The following NAPEPLD variants were observed in gnomAD, a reference collection of about 807,000 sequenced individuals.
NAPEPLD encodes the protein N-acyl-phosphatidylethanolamine-hydrolyzing phospholipase D.
NAPEPLD carries 23 observed loss-of-function variants against 38.1 expected under a neutral mutation model. That is an observed-to-expected ratio of 0.60 (90% CI 0.43 to 0.86). NAPEPLD has a LOEUF of 0.86. NAPEPLD is among the 40% of genes least tolerant of loss of function. NAPEPLD has a pLI of 0.00. For missense variants in NAPEPLD, 411 were observed against 476.8 expected, an observed-to-expected ratio of 0.86 and a Z score of 1.28; for synonymous variants, 147 against 162.0, an observed-to-expected ratio of 0.91 and a Z score of 0.71.
intron 1 of NAPEPLD, among the ~76,000 whole-genome samples, chr7:103,142,387 T>C (rs1323058301): frequency 1.3e-5 from 2 of 151,758 alleles, no homozygotes; most frequent in African/African-American, 4.8e-5. Context: ...AGGTGGATCA[T>C]TTGAGGTCAG....
chr7:103,124,672 C>T (rs577989808), intron 2 of NAPEPLD, among the ~76,000 whole-genome samples: 4 of 152,042 alleles, frequency 2.6e-5, no homozygotes, highest in African/African-American at 7.2e-5. Context: ...TTACTTTTCT[C>T]GGGAAAAGGG....
rs1365598411 is a variant in NAPEPLD at position 103,101,335 on chromosome 7, C to T, written c.*2094G>A. 2 of 152,130 alleles carry T rather than the reference C, an allele frequency of 1.3e-5. No individual in the cohort carries two copies. The highest frequency in any genetic ancestry group is 2.9e-5 in the Non-Finnish European group (2 of 68,016). 9.4% of individuals were successfully genotyped at this position (152,130 alleles called of 1,614,324 possible). On this transcript the variant is annotated 3_prime_UTR_variant, in exon 5 of 5. Transcript: ENST00000465647. ...TGTTCGCATACATCATATACACACA[C>T]ATTGCATACACATTTCCCCTTGACT...
chr7:103,148,800 G>A lies in NAPEPLD; in HGVS notation c.-17+11C>T. ...ATTCATTTACATACAACCAAAAGAA[G>A]ATAAACCCACATGTATTCCTATCAG... On this transcript the variant is annotated intron_variant, in intron 1 of 4. Transcript: ENST00000465647. 1.0e-6 allele frequency: 1 copy of A among 985,216 alleles called. No individual in the cohort carries two copies. The highest frequency in any genetic ancestry group is 1.2e-6 in the Non-Finnish European group (1 of 829,850). The allele number at this position is 985,216 out of a possible 1,614,324, so 61.0% of individuals were successfully genotyped here. A position where few individuals can be genotyped will look rare whatever the true frequency, so the allele number is the denominator to read the frequency against.
At chr7:103,136,721 T>C (rs1331326334) in intron 1 of NAPEPLD, among the ~76,000 whole-genome samples, 2 of 152,152 alleles carry the variant, frequency 1.3e-5, no homozygotes, top group Admixed American at 1.3e-4. Flanking sequence ...AAGCCTAAGT[T>C]ACTGAATTTT....
rs1802616574 is a variant in NAPEPLD, at chr7:103,103,003, T to C, written c.*426A>G. 2 of 152,966 alleles carry C rather than the reference T, an allele frequency of 1.3e-5. No individual in the cohort carries two copies. The highest frequency in any genetic ancestry group is 2.1e-4 in the South Asian group (1 of 4,834). 9.5% of individuals were successfully genotyped at this position (152,966 alleles called of 1,614,324 possible). A position where few individuals can be genotyped will look rare whatever the true frequency, so the allele number is the denominator to read the frequency against. On this transcript the variant is annotated 3_prime_UTR_variant, in exon 5 of 5. Coordinates refer to ENST00000465647, the MANE Select transcript of NAPEPLD (RefSeq NM_001122838.3). ...GTGCATATAAGAAAGATACTTGTAT[T>C]TGTAGGCCTCTGAAAAACATCTAGG...
chr7:103,129,355 G>A (rs1034472156), intron 1 of NAPEPLD: 35 of 983,374 alleles, frequency 3.6e-5, no homozygotes, highest in Non-Finnish European at 3.9e-5. Flanking sequence ...TATTTCCCCA[G>A]CCAGCATGTA....
At chr7:103,146,376 G>C (rs1221326801) in intron 1 of NAPEPLD, among the ~76,000 whole-genome samples, 1 of 151,640 alleles carries the variant, frequency 6.6e-6, no homozygotes, top group Non-Finnish European at 1.5e-5. Context: ...ACCAGTTCAA[G>C]AGTGCTAGTG....
At chr7:103,124,648 C>T (rs537803963) in intron 2 of NAPEPLD, among the ~76,000 whole-genome samples, 7 of 152,220 alleles carry the variant, frequency 4.6e-5, no homozygotes, top group South Asian at 4.2e-4. Context: ...TTAACCAGTA[C>T]GCTAGTTAAT....
rs1008705685 is a variant in NAPEPLD at position 103,120,021 on chromosome 7, C to T, written c.497G>A (p.Arg166His). 4.3e-6 allele frequency: 7 copies of T among 1,614,036 alleles called. No homozygotes were observed. The highest frequency in any genetic ancestry group is 3.3e-5 in the Admixed American group (2 of 59,996). ...PSQYMGPKRF[R>H]RSPCTISELP... ...TTCACTTATTGTGCACGGGGAACGACGAAATCGCTTTGGACCCATGTACTG... is the reference window on the plus strand; with the variant it reads ...TTCACTTATTGTGCACGGGGAACGATGAAATCGCTTTGGACCCATGTACTG... The change falls in exon 3 of 5, where the codon CGT (arginine) becomes CAT (histidine). Residue 166 changes from arginine to histidine, a missense_variant. Physicochemically the swap from Arg to His is conservative, Grantham distance 29. Coordinates refer to ENST00000465647, the MANE Select transcript of NAPEPLD (RefSeq NM_001122838.3).
At chr7:103,111,586 T>C (rs964188389) in intron 4 of NAPEPLD, among the ~76,000 whole-genome samples, 1 of 152,222 alleles carries the variant, frequency 6.6e-6, no homozygotes, top group Admixed American at 6.5e-5. Flanking sequence ...GATCCCTTCC[T>C]TACACCTTAT....
At chr7:103,132,668 G>A (rs553542169) in intron 1 of NAPEPLD, among the ~76,000 whole-genome samples, 1 of 152,204 alleles carries the variant, frequency 6.6e-6, no homozygotes, top group African/African-American at 2.4e-5. Context: ...CTGTGGTGTT[G>A]CAGGCCTGTA....
intron 1 of NAPEPLD, among the ~76,000 whole-genome samples, chr7:103,131,178 T>G (rs757965468): frequency 5.9e-5 from 9 of 152,180 alleles, no homozygotes; most frequent in Non-Finnish European, 1.2e-4. Context: ...TACATATGTA[T>G]GTATATATAT....
chr7:103,135,635 A>C (rs537307651), intron 1 of NAPEPLD, among the ~76,000 whole-genome samples: 119 of 152,226 alleles, frequency 7.8e-4, no homozygotes, highest in Non-Finnish European at 1.6e-3. Context: ...AAGCAAACAG[A>C]AGCTTAATAT....
intron 2 of NAPEPLD, among the ~76,000 whole-genome samples, chr7:103,120,701 C>CT (rs869141133): frequency 0.01 from 848 of 82,390 alleles, 174 homozygotes; most frequent in African/African-American, 0.036. Flanking sequence ...TGATATTTTT[C>CT]TTTTTTTTTT....
At position 103,119,570 on chromosome 7, in the gene NAPEPLD, T is replaced by C. The variant is rs1407685198; in HGVS notation, c.941+7A>G. ...AGCAGGAATGTTTTCTTTGGAAGTC[T>C]ACATACCTCGGTTCATAAGCTCCGA... On this transcript the variant is annotated splice_region_variant and intron_variant, in intron 3 of 4. Coordinates refer to ENST00000465647, the MANE Select transcript of NAPEPLD (RefSeq NM_001122838.3). 6.2e-7 allele frequency: 1 copy of C among 1,607,842 alleles called. No individual in the cohort carries two copies. The highest frequency in any genetic ancestry group is 8.5e-7 in the Non-Finnish European group (1 of 1,176,520).
intron 3 of NAPEPLD, among the ~76,000 whole-genome samples, chr7:103,118,845 G>A (rs559867710): frequency 2.1e-4 from 32 of 152,124 alleles, no homozygotes; most frequent in Non-Finnish European, 4.0e-4. Flanking sequence ...GTGACCTTTC[G>A]CTGCTCTGAA....
At chr7:103,143,719 A>G (rs774642020) in intron 1 of NAPEPLD, among the ~76,000 whole-genome samples, 1 of 152,250 alleles carries the variant, frequency 6.6e-6, no homozygotes, top group African/African-American at 2.4e-5. Context: ...GACTTCTTTC[A>G]TGTGTAGGAA....
chr7:103,110,818 A>G (rs2129527353), intron 4 of NAPEPLD, among the ~76,000 whole-genome samples: 1 of 152,346 alleles, frequency 6.6e-6, no homozygotes, highest in Admixed American at 6.5e-5. Context: ...ATGATTGTAT[A>G]TTTAGAGAAA....
At chr7:103,144,483 A>G (rs1812146970) in intron 1 of NAPEPLD, among the ~76,000 whole-genome samples, 1 of 152,188 alleles carries the variant, frequency 6.6e-6, no homozygotes, top group African/African-American at 2.4e-5. Context: ...AAGAACCATC[A>G]ACAAATAATT....
Sources: allele counts gnomAD v4.1 joint callset (sites outside exome capture counted in the v4.1 genomes callset), GRCh38; gene constraint gnomAD v4.1.1; transcripts MANE v1.5; gene names NCBI Gene and HGNC (gene_info 2026-07-23, HGNC 2026-07-21).